METTL22: variants seen among roughly 807,000 people sequenced by gnomAD.
The protein encoded by METTL22 is methyltransferase 22, Kin17 lysine.
A neutral mutation model predicts 48.4 loss-of-function variants in METTL22; 51 were observed. The observed-to-expected ratio is 1.05, with a 90% CI of 0.84 to 1.33. The LOEUF (loss-of-function observed/expected upper bound fraction) is 1.33, where lower values mean the gene tolerates loss of function less well. METTL22 is among the 40% of genes most tolerant of loss of function. The probability of loss-of-function intolerance (pLI) is 0.00; values close to 1 mark genes in which losing one functional copy is unlikely to be tolerated. For synonymous variants in METTL22, 255 were observed against 214.1 expected (o/e 1.19, Z -1.67); for missense variants, 678 against 526.9 (o/e 1.29, Z -2.81).
intron 3 of METTL22, among the ~76,000 whole-genome samples, chr16:8,632,570 C>A (rs2056300118): frequency 6.6e-6 from 1 of 152,118 alleles, no homozygotes; most frequent in Non-Finnish European, 1.5e-5. Flanking sequence ...TGGTCATGTC[C>A]CCCTTCTGGG....
At chr16:8,633,427 T>G (rs2056326000) in intron 3 of METTL22, among the ~76,000 whole-genome samples, 1 of 152,066 alleles carries the variant, frequency 6.6e-6, no homozygotes, top group Admixed American at 6.6e-5. Flanking sequence ...TGAGACCCTA[T>G]CTCTACAAAA....
At chr16:8,637,712 G>A (rs1040132102) in intron 5 of METTL22, among the ~76,000 whole-genome samples, 1 of 152,238 alleles carries the variant, frequency 6.6e-6, no homozygotes, top group African/African-American at 2.4e-5. Flanking sequence ...GCTCCCACAA[G>A]CTGGCCGAGG....
intron 10 of METTL22, 52 bp downstream of exon 10, chr16:8,644,777 TGACTCCAGGGCA>T: frequency 1.3e-6 from 2 of 1,482,790 alleles, no homozygotes; most frequent in Non-Finnish European, 1.8e-6. Flanking sequence ...GTGAAGCGGG[TGACTCCAGGGCA>T]AAGAGGTGAT....
intron 9 of METTL22, among the ~76,000 whole-genome samples, chr16:8,643,717 C>G (rs559593777): frequency 2.0e-5 from 3 of 152,132 alleles, no homozygotes; most frequent in Non-Finnish European, 4.4e-5. Flanking sequence ...GGGTTCACAC[C>G]ATTCTCCTGT....
the METTL22 span, among the ~76,000 whole-genome samples, chr16:8,664,075 A>T: frequency 1.3e-5 from 2 of 149,446 alleles, no homozygotes; most frequent in Non-Finnish European, 3.0e-5. Flanking sequence ...ACACTTGTGC[A>T]TTCTAAGTTT....
rs77812147 is a variant in METTL22, at chr16:8,638,650, C to A, written c.701-441C>A. ...TCAGTTTTCCTAGGGTGTCAAAGAA[C>A]GAGCCTAAATTTGGAGTTAGAAAAA... On this transcript the variant is annotated intron_variant, in intron 5 of 10. Coordinates refer to ENST00000381920, the MANE Select transcript of METTL22 (RefSeq NM_024109.4). 4.0e-3 allele frequency among the ~76,000 whole-genome samples: 604 copies of A among 152,210 alleles called. 1 individual carries two copies. The highest frequency in any genetic ancestry group is 0.017 in the Middle Eastern group (5 of 294).
intron 9 of METTL22, among the ~76,000 whole-genome samples, chr16:8,643,377 A>G (rs1345406440): frequency 6.6e-6 from 1 of 152,258 alleles, no homozygotes; most frequent in East Asian, 1.9e-4. Flanking sequence ...CAGTTGGGAA[A>G]AGTTGAATAC....
intron 1 of METTL22, among the ~76,000 whole-genome samples, chr16:8,622,087 CA>C (rs2055871164): frequency 6.6e-6 from 1 of 152,180 alleles, no homozygotes; most frequent in Non-Finnish European, 1.5e-5. Flanking sequence ...AGGAAGGCGA[CA>C]AGACAAAGAG....
chr16:8,625,831 C>G, intron 2 of METTL22, 33 bp downstream of exon 2: 1 of 1,610,058 alleles, frequency 6.2e-7, no homozygotes, highest in Non-Finnish European at 8.5e-7. Context: ...CCTGCGGATC[C>G]TATTTTGTTT....
At chr16:8,665,296 C>A in the METTL22 span, among the ~76,000 whole-genome samples, 3 of 152,048 alleles carry the variant, frequency 2.0e-5, no homozygotes, top group Non-Finnish European at 4.4e-5. Context: ...GAGACGCTCT[C>A]TCAAAACAAA....
chr16:8,663,347 G>C, the METTL22 span, among the ~76,000 whole-genome samples: 1 of 152,108 alleles, frequency 6.6e-6, no homozygotes, highest in South Asian at 2.1e-4. Context: ...AACAGTTAAT[G>C]ATGGTAAAAC....
chr16:8,629,142 A>T, intron 3 of METTL22, 32 bp downstream of exon 3: 2 of 1,593,244 alleles, frequency 1.3e-6, no homozygotes, highest in African/African-American at 1.3e-5. Context: ...CCCACCTGTC[A>T]CCAAGGCAAC....
At chr16:8,645,964 C>G in intron 10 of METTL22, 144 bp from the exon 11 acceptor site, 4 of 1,447,264 alleles carry the variant, frequency 2.8e-6, no homozygotes, top group Non-Finnish European at 2.7e-6. Context: ...GAGGAAGCCG[C>G]CCGTCCGCTC....
intron 7 of METTL22, chr16:8,641,906 G>A: frequency 1.7e-6 from 1 of 605,168 alleles, no homozygotes; most frequent in Non-Finnish European, 3.0e-6. Context: ...TCACTGGCTA[G>A]AGCAGACACT....
intron 10 of METTL22, among the ~76,000 whole-genome samples, chr16:8,645,310 G>A (rs1398674307): frequency 2.6e-5 from 4 of 152,190 alleles, no homozygotes; most frequent in East Asian, 1.9e-4. Context: ...TGCCGCCCTT[G>A]CACTCTGTCT....
chr16:8,656,938 C>G, the METTL22 span, among the ~76,000 whole-genome samples: 1 of 152,236 alleles, frequency 6.6e-6, no homozygotes, highest in African/African-American at 2.4e-5. Flanking sequence ...AAACATGGGT[C>G]AAACTCGTCC....
rs2056858870 is a variant in METTL22 at position 8,649,408 on chromosome 16, A to G, written c.*3265A>G. Reference sequence around the variant, plus strand: ...CTAGGTAATTAGCCCAGGCCAGTGGACTCAATTTTTTTATAACATTTTCAG... The same window carrying G: ...CTAGGTAATTAGCCCAGGCCAGTGGGCTCAATTTTTTTATAACATTTTCAG... On this transcript the variant is annotated 3_prime_UTR_variant, in exon 11 of 11. Coordinates refer to ENST00000381920, the MANE Select transcript of METTL22 (RefSeq NM_024109.4). 1 of 152,110 alleles carries G rather than the reference A, an allele frequency of 6.6e-6. No homozygotes were observed. Among genetic ancestry groups the G allele is most frequent in the African/African-American group, 2.4e-5 (1 of 41,416 alleles). 9.4% of individuals were successfully genotyped at this position (152,110 alleles called of 1,614,324 possible). A position where few individuals can be genotyped will look rare whatever the true frequency, so the allele number is the denominator to read the frequency against.
At chr16:8,652,186 C>T (rs745679251), downstream of METTL22, among the ~76,000 whole-genome samples, 19 of 151,952 alleles carry the variant, frequency 1.3e-4, no homozygotes, top group Admixed American at 2.6e-4. Context: ...AGGCCGGGCG[C>T]GGTGGCTCAA....
At chr16:8,658,297 C>G in the METTL22 span, among the ~76,000 whole-genome samples, 5 of 152,210 alleles carry the variant, frequency 3.3e-5, no homozygotes, top group African/African-American at 9.6e-5. Context: ...CTGCTGACAC[C>G]TTGATTGCGG....
Sources: allele counts gnomAD v4.1 joint callset (sites outside exome capture counted in the v4.1 genomes callset), GRCh38; gene constraint gnomAD v4.1.1; transcripts MANE v1.5; gene names NCBI Gene and HGNC (gene_info 2026-07-23, HGNC 2026-07-21).